ASPM: variants seen among roughly 807,000 people sequenced by gnomAD.
ASPM encodes assembly factor for spindle microtubules.
A neutral mutation model predicts 366.4 loss-of-function variants in ASPM; 256 were observed. That is an observed-to-expected ratio of 0.70 (90% confidence interval 0.63 to 0.77). The LOEUF (loss-of-function observed/expected upper bound fraction) is 0.77. Among genes scored for constraint, ASPM ranks in the 30% least tolerant of loss-of-function variants. The pLI is 0.00. For missense variants in ASPM, 4,146 were observed against 4,090.4 expected (o/e 1.01, Z -0.37); for synonymous variants, 1,414 against 1,342.9 (o/e 1.05, Z -1.16).
intron 17 of ASPM, among the ~76,000 whole-genome samples, chr1:197,106,046 G>A (rs1391742875): frequency 2.6e-5 from 4 of 151,898 alleles, no homozygotes; most frequent in South Asian, 2.1e-4. Context: ...ACTTTTTCTC[G>A]CATATAAGTA....
Position 197,101,542 on chromosome 1 carries a change from T to A in ASPM, c.7709A>T (p.Tyr2570Phe). The change falls in exon 18 of 28, where the codon TAT (tyrosine) becomes TTT (phenylalanine). Residue 2570 changes from tyrosine to phenylalanine, a missense_variant. This residue lies in a region of ASPM where 3,624 missense variants were observed against 3,591.7 expected (regional missense o/e 1.01). Coordinates refer to ENST00000367409, the MANE Select transcript of ASPM (RefSeq NM_018136.5). ...CCACTGAAGCTTTTGGTAGAAACAATACTGCCTATACATTCTGTAGGTGCT... is the reference window on the plus strand; with the variant it reads ...CCACTGAAGCTTTTGGTAGAAACAAAACTGCCTATACATTCTGTAGGTGCT... ...IQSTYRMYRQ[Y>F]CFYQKLQWAT... 6.2e-7 allele frequency: 1 copy of A among 1,609,288 alleles called. No individual in the cohort carries two copies. Among genetic ancestry groups the A allele is most frequent in the Non-Finnish European group, 8.5e-7 (1 of 1,178,914 alleles).
chr1:197,084,728 T>C (rs1365418323), intron 27 of ASPM, among the ~76,000 whole-genome samples: 3 of 152,162 alleles, frequency 2.0e-5, no homozygotes, highest in Non-Finnish European at 4.4e-5. Flanking sequence ...GTTCTTGTTC[T>C]CCTCTTACCT....
chr1:197,125,770 G>A (rs1365945109), intron 10 of ASPM, among the ~76,000 whole-genome samples: 1 of 151,690 alleles, frequency 6.6e-6, no homozygotes, highest in African/African-American at 2.4e-5. Flanking sequence ...ATATATACAC[G>A]CACGAATATT....
chr1:197,135,796 C>G (rs774680217), intron 4 of ASPM, among the ~76,000 whole-genome samples: 1 of 151,938 alleles, frequency 6.6e-6, no homozygotes, highest in Non-Finnish European at 1.5e-5. Flanking sequence ...ACCAAAAACA[C>G]AAATAAACTA....
rs774575916 is a variant in ASPM, at chr1:197,132,276, T to C, written c.2487+9A>G. The C allele has an allele frequency of 3.8e-6, 6 of 1,592,114 alleles. No individual in the cohort carries two copies. Among genetic ancestry groups the C allele is most frequent in the Non-Finnish European group, 4.3e-6 (5 of 1,167,660 alleles). ...AATATTATTTTAGAAACCTGAAATA[T>C]ATGCTTACCTCTAGACCAATTCGAA... On this transcript the variant is annotated intron_variant, in intron 7 of 27. Coordinates refer to ENST00000367409, the MANE Select transcript of ASPM (RefSeq NM_018136.5).
chr1:197,139,370 G>T (rs1658514187), intron 4 of ASPM: 1 of 591,792 alleles, frequency 1.7e-6, no homozygotes, highest in Non-Finnish European at 3.0e-6. Context: ...GCGAGGGGAG[G>T]GATCACGAGG....
intron 20 of ASPM, among the ~76,000 whole-genome samples, 200 bp from the exon 21 acceptor site, chr1:197,093,461 C>T (rs570479148): frequency 6.6e-5 from 10 of 151,884 alleles, no homozygotes; most frequent in African/African-American, 2.4e-4. Context: ...AGGTGTAAGC[C>T]AAGGGTCAAG....
rs1396972656 is a variant in ASPM, at chr1:197,101,350, T to G, written c.7901A>C (p.His2634Pro). 6.2e-7 allele frequency: 1 copy of G among 1,610,714 alleles called. No homozygotes were observed. Residue 2634 changes from histidine to proline, a missense_variant, in exon 18 of 28, where the codon CAT becomes CCT. His to Pro is a moderately conservative substitution (Grantham distance 77, BLOSUM62 -2). This residue lies in a region of ASPM where 3,624 missense variants were observed against 3,591.7 expected (regional missense o/e 1.01). Transcript: ENST00000367409. ...CTTCCTTATTTTAAAGGCTTTACAA[T>G]GCTTCTGAATAATAATGGCAGCCTG... ...QHQAAIIIQKHCKAFKIRKHY... is the reference protein window; with the variant it reads ...QHQAAIIIQKPCKAFKIRKHY...
chr1:197,090,501 A>T (rs1656745236), intron 23 of ASPM, 113 bp from the exon 24 acceptor site: 1 of 872,958 alleles, frequency 1.1e-6, no homozygotes, highest in East Asian at 2.7e-5. Context: ...ACATGATCAC[A>T]TACATTTCAA....
rs1656963335 is a variant in ASPM, at chr1:197,096,022, A to C, written c.8963T>G (p.Phe2988Cys). The change falls in exon 19 of 28, where the codon TTC becomes TGC. Residue 2988 changes from phenylalanine (F) to cysteine (C), a missense_variant. By Grantham distance (205) the Phe-to-Cys change is radical. Coordinates refer to ENST00000367409, the MANE Select transcript of ASPM (RefSeq NM_018136.5). ...CCGTGTTCTCTCTAGTTTGGTATAG[A>C]AGCAACCTTGAATAATTTTAACAGC... The part of the protein sequence containing the change: ...LKAVKIIQGC[F>C]YTKLERTRFL... The C allele has an allele frequency of 1.9e-6, 3 of 1,609,092 alleles. No individual in the cohort carries two copies. In the Admixed American group the frequency reaches 5.0e-5, roughly 27 times the overall value.
In ASPM at chr1:197,144,887, T is replaced by A. The variant is rs1339320496; in HGVS notation, c.298-787A>T. On this transcript the variant is annotated intron_variant, in intron 1 of 27. Coordinates refer to ENST00000367409, the MANE Select transcript of ASPM (RefSeq NM_018136.5). ...GAAATAATATAACATCATAAACAAC[T>A]AATTTTAAAAAATAAGAATGGTGCA... Among the ~76,000 whole-genome samples the A allele has an allele frequency of 2.6e-5, 4 of 152,222 alleles. No homozygotes were observed. In the East Asian group the frequency reaches 5.8e-4, roughly 22 times the overall value.
chr1:197,117,951 C>T lies in ASPM; in HGVS notation c.3903G>A (p.Leu1301=), dbSNP rs1657792168. ...GTTTTGCTAGAAAATTGATTACAGCCAATTGAATAATTCTTGCAGCTTTCT... is the reference window on the plus strand; with the variant it reads ...GTTTTGCTAGAAAATTGATTACAGCTAATTGAATAATTCTTGCAGCTTTCT... The part of the protein sequence containing the change: ...EREKAARIIQ[L]AVINFLAKQR... The change falls in exon 17 of 28, where the codon TTG becomes TTA. Residue 1301 remains leucine (L), a synonymous_variant. Coordinates refer to ENST00000367409, the MANE Select transcript of ASPM (RefSeq NM_018136.5). 2 of 1,613,246 alleles carry T rather than the reference C, an allele frequency of 1.2e-6. No homozygotes were observed. Among genetic ancestry groups the T allele is most frequent in the African/African-American group, 1.3e-5 (1 of 74,836 alleles).
chr1:197,129,818 T>C, intron 8 of ASPM, 97 bp downstream of exon 8: 1 of 1,437,070 alleles, frequency 7.0e-7, no homozygotes, highest in Non-Finnish European at 9.7e-7. Flanking sequence ...TAGATTGGTT[T>C]CTTTGAGAAA....
At position 197,102,423 on chromosome 1, in the gene ASPM, T is replaced by C. The variant is rs1426041604; in HGVS notation, c.6828A>G (p.Leu2276=). 2 of 1,612,572 alleles carry C rather than the reference T, an allele frequency of 1.2e-6. No individual in the cohort carries two copies. The highest frequency in any genetic ancestry group is 1.7e-6 in the Non-Finnish European group (2 of 1,179,238). The change falls in exon 18 of 28, where the codon CTA becomes CTG. Residue 2276 remains leucine, a synonymous_variant. Transcript: ENST00000367409. ...ATLIQRRFRT[L]MMRRRFLSLK... ...GAGAGAGGAATCTTCTTCTCATCATTAGAGTTCTAAATCTCCTCTGAATGA... is the reference window on the plus strand; with the variant it reads ...GAGAGAGGAATCTTCTTCTCATCATCAGAGTTCTAAATCTCCTCTGAATGA...
chr1:197,088,487 C>T (rs1364619719), intron 25 of ASPM, 55 bp from the exon 26 acceptor site: 8 of 1,501,030 alleles, frequency 5.3e-6, no homozygotes, highest in African/African-American at 1.4e-5. Context: ...CATTTACAAA[C>T]AACCCAACCA....
Position 197,121,621 on chromosome 1 carries a change from C to T in ASPM, c.3870+294G>A, listed in dbSNP as rs78930407. 6.9e-3 allele frequency among the ~76,000 whole-genome samples: 1,049 copies of T among 152,176 alleles called. 9 individuals carry two copies. Among genetic ancestry groups the T allele is most frequent in the African/African-American group, 0.023 (953 of 41,508 alleles). On this transcript the variant is annotated intron_variant, in intron 16 of 27. Coordinates refer to ENST00000367409, the MANE Select transcript of ASPM (RefSeq NM_018136.5). ...AACAGGAGGAAAGGAAGAGCTGAGT[C>T]AATGTGAGCTATGTATTCCTCACAA...
In ASPM at chr1:197,146,178, A is replaced by C; in HGVS notation, c.260T>G (p.Leu87Arg). 1 of 1,613,822 alleles carries C rather than the reference A, an allele frequency of 6.2e-7. No individual in the cohort carries two copies. Among genetic ancestry groups the C allele is most frequent in the Non-Finnish European group, 8.5e-7 (1 of 1,179,946 alleles). ...VKISHFPAAD[L>R]GFSVSQRCFV... ...ACAGCGCTGCGACACACTGAAGCCC[A>C]GGTCCGCGGCCGGGAAGTGGGAGAT... is the stretch of plus-strand genomic sequence containing the variant. Residue 87 changes from leucine (L) to arginine (R), a missense_variant, in exon 1 of 28, where the codon CTG (leucine) becomes CGG (arginine). Leu to Arg is a moderately radical substitution (Grantham distance 102). Coordinates refer to ENST00000367409, the MANE Select transcript of ASPM (RefSeq NM_018136.5).
chr1:197,139,266 A>G, intron 4 of ASPM: 1 of 933,556 alleles, frequency 1.1e-6, no homozygotes, highest in Admixed American at 1.7e-5. Flanking sequence ...ACCAACTTTC[A>G]CTTCATCCAT....
Position 197,133,708 on chromosome 1 carries a change from CACT to C in ASPM, c.2174-116_2174-114del, listed in dbSNP as rs1056506292. The stretch of plus-strand genomic sequence containing the variant: ...GTAAAAACATAATCTATTCCTCACC[CACT>C]CCAAGCTTACTCCTTAGGCCAATCT... On this transcript the variant is annotated intron_variant, in intron 5 of 27. Coordinates refer to ENST00000367409, the MANE Select transcript of ASPM (RefSeq NM_018136.5). 7.7e-6 allele frequency: 10 copies of C among 1,293,452 alleles called. No homozygotes were observed. In the African/African-American group the frequency reaches 1.5e-4, roughly 19 times the overall value. The allele number at this position is 1,293,452 out of a possible 1,614,324, so 80.1% of individuals were successfully genotyped here.
Sources: gnomAD v4.1 joint callset for allele counts (sites outside exome capture counted in the v4.1 genomes callset) on GRCh38, gnomAD v4.1.1 for gene constraint, gnomAD v4.1.1 regional missense constraint, MANE v1.5 for transcripts, NCBI Gene and HGNC (gene_info 2026-07-23, HGNC 2026-07-21) for gene names.